The following DHRSX variants were observed in gnomAD, a reference collection of about 807,000 sequenced individuals.
DHRSX encodes polyprenol dehydrogenase.
DHRSX carries 31 observed loss-of-function variants against 34.0 expected under a neutral mutation model. The observed-to-expected ratio is 0.91, with a 90% CI of 0.69 to 1.23. DHRSX has a LOEUF of 1.23. DHRSX is among the 50% of genes most tolerant of loss of function. The pLI is 0.00. For missense variants in DHRSX, 414 were observed against 428.1 expected (o/e 0.97, Z 0.29); for synonymous variants, 201 against 183.8 (o/e 1.09, Z -0.76).
chrX:2,444,212 T>C (rs2044099229), intron 1 of DHRSX, among the ~76,000 whole-genome samples: 1 of 152,204 alleles, frequency 6.6e-6, no homozygotes, highest in African/African-American at 2.4e-5. Flanking sequence ...TTCTGCCTTC[T>C]TGGTGATCCC....
chrX:2,324,097 T>C (rs1448237870), intron 3 of DHRSX, among the ~76,000 whole-genome samples: 6 of 151,656 alleles, frequency 4.0e-5, no homozygotes, highest in Non-Finnish European at 7.4e-5. Context: ...AGTTTTACGA[T>C]GACTCTGCTT....
intron 4 of DHRSX, among the ~76,000 whole-genome samples, chrX:2,272,150 A>T (rs1381783447): frequency 6.6e-6 from 1 of 152,204 alleles, no homozygotes; most frequent in Non-Finnish European, 1.5e-5. Context: ...AAAAACCAAC[A>T]ACAAAAAAAC....
chrX:2,487,070 A>C (rs2044958471), intron 1 of DHRSX: 1 of 152,224 alleles, frequency 6.6e-6, no homozygotes, highest in South Asian at 2.1e-4. Flanking sequence ...CAATATGCTA[A>C]GCCTCCTGAA....
At chrX:2,452,493 A>T (rs907261575) in intron 1 of DHRSX, among the ~76,000 whole-genome samples, 31 of 151,996 alleles carry the variant, frequency 2.0e-4, no homozygotes, top group African/African-American at 5.8e-4. Flanking sequence ...TTCCCTAACC[A>T]TGCGCCCAAG....
chrX:2,286,167 A>G (rs907607680), intron 4 of DHRSX, among the ~76,000 whole-genome samples: 2 of 152,040 alleles, frequency 1.3e-5, no homozygotes, highest in African/African-American at 2.4e-5. Flanking sequence ...CATGCAATAA[A>G]TGAGAAAAAT....
intron 3 of DHRSX, among the ~76,000 whole-genome samples, chrX:2,394,639 G>A (rs1202160447): frequency 1.3e-5 from 2 of 152,090 alleles, no homozygotes; most frequent in African/African-American, 2.4e-5. Flanking sequence ...AGGCTGAGGC[G>A]GGCAGATCAC....
Position 2,495,275 on chromosome X carries a change from T to C in DHRSX, c.109+5542A>G, listed in dbSNP as rs1358270364. Among the ~76,000 whole-genome samples the C allele has an allele frequency of 4.0e-5, 6 of 151,728 alleles. No homozygotes were observed. The South Asian group carries it at 1.0e-3, about 26-fold the overall frequency. On this transcript the variant is annotated intron_variant, in intron 1 of 6. Coordinates refer to ENST00000334651, the MANE Select transcript of DHRSX (RefSeq NM_145177.3). ...TGAAGCAAAGGTTTATATTTTATCA[T>C]TATTATCATTATTCCTATTGTTGTT...
intron 5 of DHRSX, among the ~76,000 whole-genome samples, chrX:2,248,864 G>A (rs1365274770): frequency 6.6e-6 from 1 of 152,112 alleles, no homozygotes; most frequent in Admixed American, 6.6e-5. Flanking sequence ...CACGGATTTC[G>A]TTCAGACGTC....
At chrX:2,243,786 C>CTTTTTTTTTTT (rs2016202191) in intron 5 of DHRSX, among the ~76,000 whole-genome samples, 3 of 25,136 alleles carry the variant, frequency 1.2e-4, no homozygotes, top group Admixed American at 5.9e-4. Context: ...ACTATGCTCC[C>CTTTTTTTTTTT]TGTTTTTTTT....
chrX:2,332,512 C>A (rs1421886674), intron 3 of DHRSX, among the ~76,000 whole-genome samples: 2 of 152,180 alleles, frequency 1.3e-5, no homozygotes, highest in Non-Finnish European at 2.9e-5. Context: ...TTGTGCCAAA[C>A]ATTTGGATAT....
chrX:2,446,965 A>T (rs2044146393), intron 1 of DHRSX, among the ~76,000 whole-genome samples: 1 of 151,510 alleles, frequency 6.6e-6, no homozygotes, highest in South Asian at 2.1e-4. Flanking sequence ...CACTAAAGAC[A>T]TTCCCTAAGA....
intron 3 of DHRSX, among the ~76,000 whole-genome samples, chrX:2,404,547 C>A (rs2043528301): frequency 6.6e-6 from 1 of 152,174 alleles, no homozygotes; most frequent in South Asian, 2.1e-4. Flanking sequence ...TAAGCCTTGT[C>A]TCTTCCTTTC....
rs1207520174 is a variant in DHRSX at position 2,451,250 on chromosome X, A to C, written c.110-25946T>G. Among the ~76,000 whole-genome samples, 6 of 145,982 alleles carry C rather than the reference A, an allele frequency of 4.1e-5. No individual in the cohort carries two copies. In the Admixed American group the frequency reaches 4.2e-4, roughly 10 times the overall value. ...TCCATCTTTAAAAAAAAAAAAAAAAAAGTTGCATCAAGAATGAAAGGTGCA... is the reference window on the plus strand; with the variant it reads ...TCCATCTTTAAAAAAAAAAAAAAAACAGTTGCATCAAGAATGAAAGGTGCA... On this transcript the variant is annotated intron_variant, in intron 1 of 6. Transcript: ENST00000334651.
intron 1 of DHRSX, among the ~76,000 whole-genome samples, chrX:2,475,290 A>G (rs1264183690): frequency 6.6e-6 from 1 of 151,116 alleles, no homozygotes; most frequent in Admixed American, 6.6e-5. Context: ...TTCCCTAAGC[A>G]TGTGGCTAAG....
At chrX:2,345,538 T>C (rs2042695642) in intron 3 of DHRSX, among the ~76,000 whole-genome samples, 2 of 150,254 alleles carry the variant, frequency 1.3e-5, no homozygotes, top group South Asian at 4.2e-4. Context: ...TCACAACTAC[T>C]CGGGAGGATG....
At chrX:2,365,341 T>A (rs1441869524) in intron 3 of DHRSX, among the ~76,000 whole-genome samples, 2 of 152,260 alleles carry the variant, frequency 1.3e-5, no homozygotes, top group East Asian at 3.9e-4. Flanking sequence ...GGTTTCACCA[T>A]GTTGGCCAGG....
chrX:2,346,831 G>C (rs1243654177), intron 3 of DHRSX, among the ~76,000 whole-genome samples: 1 of 151,678 alleles, frequency 6.6e-6, no homozygotes, highest in African/African-American at 2.4e-5. Flanking sequence ...CCCAGTGTGT[G>C]ATGTTCCCCT....
chrX:2,436,872 A>T (rs1326873401), intron 1 of DHRSX, among the ~76,000 whole-genome samples: 2 of 151,852 alleles, frequency 1.3e-5, no homozygotes, highest in Non-Finnish European at 2.9e-5. Context: ...GCCTCAAGTG[A>T]TCCTCCCACC....
intron 3 of DHRSX, among the ~76,000 whole-genome samples, chrX:2,403,474 T>A (rs1178290055): frequency 6.6e-6 from 1 of 152,196 alleles, no homozygotes; most frequent in Non-Finnish European, 1.5e-5. Flanking sequence ...AAATCATGTA[T>A]TCGTCATGCT....
Sources: gnomAD v4.1 joint callset for allele counts (sites outside exome capture counted in the v4.1 genomes callset) on GRCh38, gnomAD v4.1.1 for gene constraint, MANE v1.5 for transcripts, NCBI Gene and HGNC (gene_info 2026-07-23, HGNC 2026-07-21) for gene names.